Variants in EDARADD observed in about 807,000 individuals in gnomAD.
EDARADD encodes EDAR associated via death domain, also known as ectodysplasin-A receptor-associated adapter protein.
In EDARADD, 20 loss-of-function variants were observed where a neutral mutation model predicts 25.6. The observed-to-expected ratio is 0.78, with a 90% confidence interval of 0.55 to 1.14. EDARADD has a LOEUF of 1.14. EDARADD is among the 50% of genes most tolerant of loss of function. The pLI, the probability that EDARADD is intolerant of heterozygous loss-of-function variation, is 0.00. For missense variants in EDARADD, 225 were observed against 270.1 expected (o/e 0.83, Z 1.17); for synonymous variants, 86 against 94.4 (o/e 0.91, Z 0.52).
chr1:236,367,578 T>C (rs1265298497), intron 3 of EDARADD, among the ~76,000 whole-genome samples: 2 of 152,118 alleles, frequency 1.3e-5, no homozygotes, highest in East Asian at 3.9e-4. Context: ...TTGCTCAGGC[T>C]GGTCTCAAAC....
In EDARADD at chr1:236,455,946, C is replaced by G. The variant is rs148676618; in HGVS notation, c.220-12285C>G. Among the ~76,000 whole-genome samples the G allele has an allele frequency of 1.0e-3, 157 of 152,300 alleles. 4 individuals carry two copies. The East Asian group carries it at 0.025, about 24-fold the overall frequency. On this transcript the variant is annotated intron_variant, in intron 4 of 5. Transcript: ENST00000334232. ...CTGGGACTACAGGCGCCCGCCACCA[C>G]GTCTGGCTCATCTTTTGTATTTTTA...
At chr1:236,426,554 C>T (rs1307562450) in intron 3 of EDARADD, among the ~76,000 whole-genome samples, 2 of 152,162 alleles carry the variant, frequency 1.3e-5, no homozygotes, top group African/African-American at 4.8e-5. Context: ...CATGTGAGTT[C>T]GTGATCAGCC....
At chr1:236,424,427 T>A (rs1657858304) in intron 3 of EDARADD, among the ~76,000 whole-genome samples, 1 of 152,114 alleles carries the variant, frequency 6.6e-6, no homozygotes, top group Non-Finnish European at 1.5e-5. Context: ...CCTCCCAAAG[T>A]GCTGGGATTA....
chr1:236,479,200 A>G (rs920767754), intron 5 of EDARADD, among the ~76,000 whole-genome samples: 3 of 152,124 alleles, frequency 2.0e-5, no homozygotes, highest in African/African-American at 7.2e-5. Context: ...ACCCTGGAAA[A>G]AAAATTTCTC....
intron 3 of EDARADD, among the ~76,000 whole-genome samples, chr1:236,374,466 G>C (rs909599333): frequency 6.6e-6 from 1 of 151,888 alleles, no homozygotes; most frequent in East Asian, 1.9e-4. Context: ...ACAAAGTCTT[G>C]CCACGTTGCC....
intron 4 of EDARADD, among the ~76,000 whole-genome samples, chr1:236,437,635 C>T (rs1193215760): frequency 6.6e-6 from 1 of 151,920 alleles, no homozygotes; most frequent in Non-Finnish European, 1.5e-5. Flanking sequence ...TGTATTAGGG[C>T]TGCCATAACA....
At chr1:236,403,774 G>T (rs1281914919) in intron 1 of EDARADD, among the ~76,000 whole-genome samples, 2 of 152,272 alleles carry the variant, frequency 1.3e-5, no homozygotes, top group Admixed American at 1.3e-4. Flanking sequence ...AGCCCGCCCT[G>T]CCTGCTCTCA....
chr1:236,447,283 A>C (rs951996675), intron 4 of EDARADD, among the ~76,000 whole-genome samples: 3 of 139,002 alleles, frequency 2.2e-5, no homozygotes, highest in Non-Finnish European at 3.0e-5. Flanking sequence ...TTCTTGATGG[A>C]GTCTCACTCT....
intron 3 of EDARADD, among the ~76,000 whole-genome samples, chr1:236,422,620 G>A (rs1021234768): frequency 1.3e-5 from 2 of 152,210 alleles, no homozygotes; most frequent in Admixed American, 6.5e-5. Flanking sequence ...GAGCTTCATC[G>A]TGTATGATGG....
At chr1:236,447,251 C>CTTT (rs770799367) in intron 4 of EDARADD, among the ~76,000 whole-genome samples, 49 of 61,248 alleles carry the variant, frequency 8.0e-4, no homozygotes, top group East Asian at 5.6e-3. Flanking sequence ...TCCTTTCTTT[C>CTTT]CTTTCTTTCT....
At chr1:236,477,706 TA>T (rs1659549598) in intron 5 of EDARADD, among the ~76,000 whole-genome samples, 1 of 152,044 alleles carries the variant, frequency 6.6e-6, no homozygotes, top group African/African-American at 2.4e-5. Flanking sequence ...AAGGAAACAC[TA>T]GAAAAGGTAT....
At chr1:236,354,169 G>A (rs997752860) in intron 3 of EDARADD, among the ~76,000 whole-genome samples, 1 of 152,160 alleles carries the variant, frequency 6.6e-6, no homozygotes, top group African/African-American at 2.4e-5. Context: ...TTCCTATAAT[G>A]TACTGACCTC....
At chr1:236,475,462 G>A (rs1426556476) in intron 5 of EDARADD, among the ~76,000 whole-genome samples, 1 of 152,124 alleles carries the variant, frequency 6.6e-6, no homozygotes, top group African/African-American at 2.4e-5. Context: ...TTTGTCACTT[G>A]TGTTATTGAA....
chr1:236,380,540 G>T (rs1382702405), intron 3 of EDARADD, among the ~76,000 whole-genome samples: 3 of 151,940 alleles, frequency 2.0e-5, no homozygotes, highest in African/African-American at 7.3e-5. Flanking sequence ...TTCTAAATTT[G>T]CTATTAAAAT....
intron 4 of EDARADD, among the ~76,000 whole-genome samples, chr1:236,443,083 C>T (rs1281003757): frequency 1.3e-5 from 2 of 152,166 alleles, no homozygotes; most frequent in Admixed American, 1.3e-4. Context: ...ATGCCCAGTT[C>T]CTTTGCCATG....
chr1:236,362,987 GAAAAAAAAA>G (rs577963160), intron 3 of EDARADD, among the ~76,000 whole-genome samples: 1 of 29,556 alleles, frequency 3.4e-5, no homozygotes, highest in East Asian at 2.2e-3. Context: ...CTTTTTTTAA[GAAAAAAAAA>G]AAAAAAAAAA....
At chr1:236,451,514 C>T (rs758767101) in intron 4 of EDARADD, among the ~76,000 whole-genome samples, 18 of 152,058 alleles carry the variant, frequency 1.2e-4, no homozygotes, top group Non-Finnish European at 2.1e-4. Flanking sequence ...CCTCTGCCTC[C>T]CAGGTTCAAG....
intron 4 of EDARADD, 87 bp from the exon 5 acceptor site, chr1:236,468,144 G>T (rs968813348): frequency 1.2e-5 from 16 of 1,377,192 alleles, no homozygotes; most frequent in African/African-American, 9.9e-5. Flanking sequence ...CAGGGTTTTG[G>T]TGGAAATTTA....
chr1:236,368,160 T>C (rs1667131167), intron 3 of EDARADD, among the ~76,000 whole-genome samples: 1 of 152,104 alleles, frequency 6.6e-6, no homozygotes, highest in African/African-American at 2.4e-5. Flanking sequence ...ATATTGGGAA[T>C]CCAGTCAAAA....
Sources: allele counts gnomAD v4.1 joint callset (sites outside exome capture counted in the v4.1 genomes callset), GRCh38; gene constraint gnomAD v4.1.1; transcripts MANE v1.5; gene names NCBI Gene and HGNC (gene_info 2026-07-23, HGNC 2026-07-21).